DSCAM: variants seen among roughly 807,000 people sequenced by gnomAD.
The protein encoded by DSCAM is cell adhesion molecule DSCAM.
A neutral mutation model predicts 217.7 loss-of-function variants in DSCAM; 47 were observed. The observed-to-expected ratio is 0.22, with a 90% CI of 0.17 to 0.28. The LOEUF is 0.28. DSCAM is among the 10% of genes least tolerant of loss of function. The pLI, the probability that DSCAM is intolerant of heterozygous loss-of-function variation, is 1.00. For missense variants in DSCAM, 2,080 were observed against 2,618.3 expected (o/e 0.79, Z 4.49); for synonymous variants, 1,056 against 1,015.3 (o/e 1.04, Z -0.76).
At chr21:40,218,363 T>C (rs941262362) in intron 11 of DSCAM, among the ~76,000 whole-genome samples, 12 of 152,174 alleles carry the variant, frequency 7.9e-5, no homozygotes, top group Non-Finnish European at 1.5e-4. Flanking sequence ...AGCCTGTTTT[T>C]GTACCATTAC....
At chr21:40,753,394 G>A (rs1433582811) in intron 1 of DSCAM, among the ~76,000 whole-genome samples, 2 of 152,170 alleles carry the variant, frequency 1.3e-5, no homozygotes, top group African/African-American at 4.8e-5. Context: ...CATAGTTTAG[G>A]AAATCAATTT....
chr21:40,763,602 T>C (rs2091358254), intron 1 of DSCAM, among the ~76,000 whole-genome samples: 1 of 152,180 alleles, frequency 6.6e-6, no homozygotes, highest in Non-Finnish European at 1.5e-5. Context: ...TACTTTAAAT[T>C]TCATACGGAA....
At chr21:40,519,718 A>G (rs926929378) in intron 3 of DSCAM, among the ~76,000 whole-genome samples, 8 of 152,272 alleles carry the variant, frequency 5.3e-5, no homozygotes, top group South Asian at 2.1e-4. Context: ...ACTCAAGACC[A>G]TAACATAAAA....
At chr21:40,429,453 A>T (rs1002573627) in intron 3 of DSCAM, among the ~76,000 whole-genome samples, 1 of 152,092 alleles carries the variant, frequency 6.6e-6, no homozygotes, top group Admixed American at 6.5e-5. Context: ...TTTTTAGTAG[A>T]GATGGAGTTT....
chr21:40,311,685 T>C (rs187888085), intron 9 of DSCAM, among the ~76,000 whole-genome samples: 76 of 152,296 alleles, frequency 5.0e-4, no homozygotes, highest in Non-Finnish European at 9.6e-4. Context: ...TACATAGCTT[T>C]GAGACATATT....
chr21:40,207,537 G>C (rs1267176498), intron 11 of DSCAM, among the ~76,000 whole-genome samples: 4 of 152,152 alleles, frequency 2.6e-5, no homozygotes, highest in Non-Finnish European at 5.9e-5. Context: ...TATGTATAAG[G>C]ATGGCTCATT....
At chr21:40,622,837 A>C in intron 3 of DSCAM, among the ~76,000 whole-genome samples, 1 of 151,606 alleles carries the variant, frequency 6.6e-6, no homozygotes, top group East Asian at 2.0e-4. Context: ...TTTAGAGTTA[A>C]AAGCACTTAA....
At chr21:40,406,098 C>T (rs939527515) in intron 3 of DSCAM, among the ~76,000 whole-genome samples, 1 of 152,104 alleles carries the variant, frequency 6.6e-6, no homozygotes, top group African/African-American at 2.4e-5. Flanking sequence ...ACCGCAATAA[C>T]GTATCACCTC....
At chr21:40,622,740 A>G (rs895458410) in intron 3 of DSCAM, among the ~76,000 whole-genome samples, 7 of 152,108 alleles carry the variant, frequency 4.6e-5, no homozygotes, top group African/African-American at 1.7e-4. Context: ...TTTTGGCCTG[A>G]GACCAAAAGT....
In DSCAM at chr21:40,028,665, CT is replaced by C. The variant is rs1214804358; in HGVS notation, c.5686+13705del. Among the ~76,000 whole-genome samples the C allele has an allele frequency of 1.3e-4, 20 of 152,194 alleles. No individual in the cohort carries two copies. The South Asian group carries it at 3.1e-3, about 24-fold the overall frequency. Reference sequence around the variant, plus strand: ...GACTAGGAAAGGGAACTCCCTGACCCTTTGTGCTTCCCGAGTGAGGCAATGC... The same window carrying C: ...GACTAGGAAAGGGAACTCCCTGACCCTTGTGCTTCCCGAGTGAGGCAATGC... On this transcript the variant is annotated intron_variant, in intron 32 of 32. Transcript: ENST00000400454.
intron 9 of DSCAM, among the ~76,000 whole-genome samples, chr21:40,305,389 C>CAAA (rs58738453): frequency 0.081 from 5,518 of 68,344 alleles, 360 homozygotes; most frequent in East Asian, 0.28. Flanking sequence ...GATCCCGTCT[C>CAAA]AAAAAAAAAA....
intron 2 of DSCAM, among the ~76,000 whole-genome samples, chr21:40,706,333 T>C (rs908651064): frequency 6.6e-5 from 10 of 152,194 alleles, no homozygotes; most frequent in Admixed American, 6.5e-5. Context: ...CAATACTGTC[T>C]GAAGTGGCCC....
intron 1 of DSCAM, among the ~76,000 whole-genome samples, chr21:40,821,977 A>G (rs986447526): frequency 6.6e-6 from 1 of 151,698 alleles, no homozygotes; most frequent in Non-Finnish European, 1.5e-5. Flanking sequence ...AAGTTTATCC[A>G]TGTAACAAAT....
At chr21:40,569,931 G>T (rs2076793434) in intron 3 of DSCAM, among the ~76,000 whole-genome samples, 1 of 152,124 alleles carries the variant, frequency 6.6e-6, no homozygotes, top group Admixed American at 6.5e-5. Flanking sequence ...TTTGTGGTAT[G>T]AACGTAAGGA....
At chr21:40,250,768 T>C (rs1020081314) in intron 11 of DSCAM, among the ~76,000 whole-genome samples, 8 of 152,220 alleles carry the variant, frequency 5.3e-5, no homozygotes, top group African/African-American at 1.9e-4. Context: ...ATTACTGACA[T>C]GTTCATGTTC....
intron 1 of DSCAM, among the ~76,000 whole-genome samples, chr21:40,825,257 T>TTTTC (rs958141013): frequency 2.7e-4 from 38 of 140,860 alleles, no homozygotes; most frequent in Admixed American, 1.4e-3. Context: ...TCAGTGAACA[T>TTTTC]TTTCTTTCTT....
intron 3 of DSCAM, among the ~76,000 whole-genome samples, chr21:40,507,632 A>T (rs1026252219): frequency 1.2e-4 from 18 of 152,096 alleles, no homozygotes; most frequent in African/African-American, 4.1e-4. Context: ...TCTACAAAAA[A>T]CACAAAAGTT....
At chr21:40,190,921 T>G (rs2410218) in intron 11 of DSCAM, among the ~76,000 whole-genome samples, 8,659 of 152,264 alleles carry the variant, frequency 0.057, 785 homozygotes, top group African/African-American at 0.19. Flanking sequence ...AAAAATATGA[T>G]AAAGGAACAA....
rs140862796 is a variant in DSCAM, at chr21:40,459,309, C to T, written c.509-90064G>A. On this transcript the variant is annotated intron_variant, in intron 3 of 32. Coordinates refer to ENST00000400454, the MANE Select transcript of DSCAM (RefSeq NM_001389.5). Reference sequence around the variant, plus strand: ...GATGAAATTAAATGCTAGAACATACCATTCGATAAGAGAAGGAAATTAAAA... The same window carrying T: ...GATGAAATTAAATGCTAGAACATACTATTCGATAAGAGAAGGAAATTAAAA... Among the ~76,000 whole-genome samples, 368 of 151,946 alleles carry T rather than the reference C, an allele frequency of 2.4e-3. 2 individuals carry two copies. The highest frequency in any genetic ancestry group is 0.01 in the South Asian group (49 of 4,818).
Sources: allele counts gnomAD v4.1 joint callset (sites outside exome capture counted in the v4.1 genomes callset), GRCh38; gene constraint gnomAD v4.1.1; transcripts MANE v1.5; gene names NCBI Gene and HGNC (gene_info 2026-07-23, HGNC 2026-07-21).